CYTH4: variants seen among roughly 807,000 people sequenced by gnomAD.
CYTH4 encodes the protein cytohesin 4, also known as cytohesin-4.
In CYTH4, 22 loss-of-function variants were observed where a neutral mutation model predicts 57.5. The observed-to-expected ratio is 0.38, with a 90% confidence interval of 0.27 to 0.55. The LOEUF is 0.55. CYTH4 is among the 20% of genes least tolerant of loss of function. CYTH4 has a pLI of 0.74. For missense variants in CYTH4, 420 were observed against 535.6 expected (o/e 0.78, Z 2.13); for synonymous variants, 186 against 206.5 (o/e 0.90, Z 0.85).
At chr22:37,305,089 G>A (rs535404577) in intron 8 of CYTH4, among the ~76,000 whole-genome samples, 3 of 152,058 alleles carry the variant, frequency 2.0e-5, no homozygotes, top group African/African-American at 4.8e-5. Context: ...GGTGCTATGC[G>A]GGCACACCTT....
chr22:37,299,673 T>C (rs1929111829), intron 6 of CYTH4, among the ~76,000 whole-genome samples: 1 of 152,222 alleles, frequency 6.6e-6, no homozygotes. Context: ...ACTTATTAGC[T>C]TCTAATTAGG....
In CYTH4 at chr22:37,289,875, C is replaced by T. The variant is rs73884202; in HGVS notation, c.20-2746C>T. Among the ~76,000 whole-genome samples, 1,109 of 152,290 alleles carry T rather than the reference C, an allele frequency of 7.3e-3. 11 individuals are homozygous for T. Among genetic ancestry groups the T allele is most frequent in the African/African-American group, 0.026 (1,060 of 41,562 alleles). Reference sequence around the variant, plus strand: ...GGAAGGAGCAGGCCATCCTCCCGACCGGGGAAGTGCTTGGGTATGTGATGA... The same window carrying T: ...GGAAGGAGCAGGCCATCCTCCCGACTGGGGAAGTGCTTGGGTATGTGATGA... On this transcript the variant is annotated intron_variant, in intron 1 of 12. Transcript: ENST00000248901.
chr22:37,299,106 C>T (rs1929082714), intron 5 of CYTH4, 120 bp from the exon 6 acceptor site: 2 of 719,336 alleles, frequency 2.8e-6, no homozygotes, highest in South Asian at 1.6e-5. Flanking sequence ...CAGATGGCAG[C>T]TGGACCCCAG....
rs528827686 is a variant in CYTH4, at chr22:37,314,213, T to C, written c.*702T>C. 76 of 397,588 alleles carry C rather than the reference T, an allele frequency of 1.9e-4. No individual in the cohort carries two copies. In the East Asian group the frequency reaches 2.6e-3, roughly 14 times the overall value. 24.6% of individuals were successfully genotyped at this position (397,588 alleles called of 1,614,324 possible). A position where few individuals can be genotyped will look rare whatever the true frequency, so the allele number is the denominator to read the frequency against. On this transcript the variant is annotated 3_prime_UTR_variant, in exon 13 of 13. Transcript: ENST00000248901. The stretch of plus-strand genomic sequence containing the variant: ...GGACTAGAAACGTATTGGCCCCTGC[T>C]AGCCCTGTGCTCCAGCTTCCAGCTG...
At chr22:37,301,113 C>T in intron 7 of CYTH4, 94 bp downstream of exon 7, 1 of 1,100,280 alleles carries the variant, frequency 9.1e-7, no homozygotes, top group South Asian at 1.4e-5. Context: ...CCCCAGGTAC[C>T]CAGACCCTGG....
chr22:37,291,831 T>A (rs1928756416), intron 1 of CYTH4, among the ~76,000 whole-genome samples: 1 of 152,214 alleles, frequency 6.6e-6, no homozygotes, highest in Non-Finnish European at 1.5e-5. Flanking sequence ...TTGCATAGAA[T>A]GCCGCACACA....
At position 37,313,596 on chromosome 22, in the gene CYTH4, C is replaced by A; in HGVS notation, c.*85C>A. The A allele has an allele frequency of 8.0e-7, 1 of 1,243,938 alleles. No homozygotes were observed. The highest frequency in any genetic ancestry group is 1.2e-6 in the Non-Finnish European group (1 of 848,912). 77.1% of individuals were successfully genotyped at this position (1,243,938 alleles called of 1,614,324 possible). ...TGGAGACCCACCTCCCACCCCAGTG[C>A]ACTCTTTTGGGCCACAGACATCATT... is the stretch of plus-strand genomic sequence containing the variant. On this transcript the variant is annotated 3_prime_UTR_variant, in exon 13 of 13. Transcript: ENST00000248901.
chr22:37,292,764 A>C (rs1601699313), intron 2 of CYTH4, 61 bp downstream of exon 2: 1 of 1,544,454 alleles, frequency 6.5e-7, no homozygotes, highest in Non-Finnish European at 8.9e-7. Context: ...GCTTGTACGC[A>C]CCCCACCAGC....
At chr22:37,289,559 A>G (rs1484242150) in intron 1 of CYTH4, among the ~76,000 whole-genome samples, 3 of 152,238 alleles carry the variant, frequency 2.0e-5, no homozygotes, top group Non-Finnish European at 4.4e-5. Context: ...GTGTAAGCAG[A>G]GGGATAGACC....
rs1371537852 is a variant in CYTH4 at position 37,298,097 on chromosome 22, CG to C, written c.353+419del. On this transcript the variant is annotated intron_variant, in intron 5 of 12. Transcript: ENST00000248901. This position sits in a 1 kb window ranked among gnomAD's most constrained non-coding sequence, Gnocchi z 4.1. ...AGAAATGCTGGGGACCGGCCAGGCT[CG>C]GGGCTCATGCCTGTAATCCCAGCAC... is the stretch of plus-strand genomic sequence containing the variant. The C allele has an allele frequency of 6.2e-6, 1 of 162,244 alleles. No homozygotes were observed. Among genetic ancestry groups the C allele is most frequent in the African/African-American group, 2.4e-5 (1 of 41,490 alleles). 10.1% of individuals were successfully genotyped at this position (162,244 alleles called of 1,614,324 possible). A position where few individuals can be genotyped will look rare whatever the true frequency, so the allele number is the denominator to read the frequency against.
At chr22:37,289,834 C>T (rs1928688172) in intron 1 of CYTH4, among the ~76,000 whole-genome samples, 1 of 152,186 alleles carries the variant, frequency 6.6e-6, no homozygotes, top group South Asian at 2.1e-4. Context: ...TAATTCTCTG[C>T]TAGAAGGAAG....
rs535159487 is a variant in CYTH4 at position 37,313,774 on chromosome 22, G to C, written c.*263G>C. 2.0e-6 allele frequency: 1 copy of C among 488,752 alleles called. No homozygotes were observed. The highest frequency in any genetic ancestry group is 3.6e-5 in the Admixed American group (1 of 27,670). The allele number at this position is 488,752 out of a possible 1,614,324, so 30.3% of individuals were successfully genotyped here. ...TGCCCTACGTGCACTACAGGAAGGG[G>C]TGAGGAGAGCAGCCAGAGGAAAACC... On this transcript the variant is annotated 3_prime_UTR_variant, in exon 13 of 13. Transcript: ENST00000248901.
chr22:37,311,011 C>T lies in CYTH4; in HGVS notation c.832C>T (p.Arg278Trp). The change falls in exon 10 of 13, where the codon CGG becomes TGG. Residue 278 changes from arginine (R) to tryptophan (W), a missense_variant. Physicochemically the swap from Arg to Trp is moderately radical, Grantham distance 101 (BLOSUM62 -3). Transcript: ENST00000248901. This position sits in a 1 kb window ranked among gnomAD's most constrained non-coding sequence, Gnocchi z 4.4. ...AGGGGGCCGCGTGAAGACGTGGAAA[C>T]GGCGCTGGTTCATCCTGACCGACAA... ...KLGGRVKTWK[R>W]RWFILTDNCL... 1.9e-6 allele frequency: 3 copies of T among 1,614,192 alleles called. No individual in the cohort carries two copies. The highest frequency in any genetic ancestry group is 2.5e-6 in the Non-Finnish European group (3 of 1,180,032).
chr22:37,289,287 T>A (rs1331572905), intron 1 of CYTH4, among the ~76,000 whole-genome samples: 1 of 152,224 alleles, frequency 6.6e-6, no homozygotes, highest in Non-Finnish European at 1.5e-5. Flanking sequence ...CCACTGCCCA[T>A]GATGCATGGA....
rs930341459 is a variant in CYTH4 at position 37,299,434 on chromosome 22, A to G, written c.434+128A>G. ...GAGCAAAGAAGAGGAGGCAAGGAAC[A>G]AGAATGACTTCATGATAGTACTGCC... On this transcript the variant is annotated intron_variant, in intron 6 of 12. Coordinates refer to ENST00000248901, the MANE Select transcript of CYTH4 (RefSeq NM_013385.5). 9 of 851,650 alleles carry G rather than the reference A, an allele frequency of 1.1e-5. No homozygotes were observed. In the African/African-American group the frequency reaches 1.5e-4, roughly 14 times the overall value. The allele number at this position is 851,650 out of a possible 1,614,324, so 52.8% of individuals were successfully genotyped here. A position where few individuals can be genotyped will look rare whatever the true frequency, so the allele number is the denominator to read the frequency against.
chr22:37,307,234 G>A lies in CYTH4; in HGVS notation c.697-1978G>A, dbSNP rs182397817. 1.1e-3 allele frequency among the ~76,000 whole-genome samples: 174 copies of A among 152,366 alleles called. 3 individuals carry two copies. The East Asian group carries it at 0.028, about 25-fold the overall frequency. The stretch of plus-strand genomic sequence containing the variant: ...ACAGGAAATGTGGGTGAACTCAGCC[G>A]TTTTCTTTGCGGGGGCAGAATGTAC... On this transcript the variant is annotated intron_variant, in intron 8 of 12. Transcript: ENST00000248901.
intron 1 of CYTH4, among the ~76,000 whole-genome samples, chr22:37,290,682 G>T (rs1487541811): frequency 6.6e-6 from 1 of 152,084 alleles, no homozygotes; most frequent in Non-Finnish European, 1.5e-5. Flanking sequence ...CTAATTTTTT[G>T]TATTTTTAGT....
chr22:37,284,999 G>A (rs1928498740), intron 1 of CYTH4, among the ~76,000 whole-genome samples: 1 of 152,298 alleles, frequency 6.6e-6, no homozygotes, highest in South Asian at 2.1e-4. Context: ...TGGGGCTTGT[G>A]GGGCTGGGGC....
chr22:37,301,127 C>A, intron 7 of CYTH4, 108 bp downstream of exon 7: 1 of 865,326 alleles, frequency 1.2e-6, no homozygotes, highest in South Asian at 1.6e-5. Flanking sequence ...ACCCTGGCAG[C>A]CCAGACCCCT....
Sources: gnomAD v4.1 joint callset for allele counts (sites outside exome capture counted in the v4.1 genomes callset) on GRCh38, gnomAD v4.1.1 for gene constraint, Gnocchi (gnomAD v3.1) non-coding constraint, MANE v1.5 for transcripts, NCBI Gene and HGNC (gene_info 2026-07-23, HGNC 2026-07-21) for gene names.